UBAP2: variants seen among roughly 807,000 people sequenced by gnomAD.
UBAP2 encodes ubiquitin associated protein 2, also known as ubiquitin-associated protein 2.
UBAP2 carries 75 observed loss-of-function variants against 139.6 expected under a neutral mutation model. The observed-to-expected ratio is 0.54, with a 90% confidence interval of 0.45 to 0.65. The LOEUF is 0.65. UBAP2 is among the 30% of genes least tolerant of loss of function. The pLI is 0.00. For synonymous variants in UBAP2, 526 were observed against 526.2 expected, an observed-to-expected ratio of 1.00 and a Z score of 0.01; for missense variants, 1,368 against 1,369.6, an observed-to-expected ratio of 1.00 and a Z score of 0.02.
intron 2 of UBAP2, among the ~76,000 whole-genome samples, chr9:34,000,000 T>C (rs1160211432): frequency 6.6e-6 from 1 of 151,908 alleles, no homozygotes; most frequent in East Asian, 1.9e-4. Context: ...CAGGCTGGAG[T>C]GCACTGGCAC....
chr9:33,926,853 G>C lies in UBAP2; in HGVS notation c.2463+136C>G, dbSNP rs7043227. 22 of 988,890 alleles carry C rather than the reference G, an allele frequency of 2.2e-5. No individual in the cohort carries two copies. In the African/African-American group the frequency reaches 3.3e-4, roughly 15 times the overall value. 61.3% of individuals were successfully genotyped at this position (988,890 alleles called of 1,614,324 possible). A position where few individuals can be genotyped will look rare whatever the true frequency, so the allele number is the denominator to read the frequency against. On this transcript the variant is annotated intron_variant, in intron 21 of 28. Transcript: ENST00000379238. ...GGAAGAAGACCACCAGGGCTCAGTG[G>C]GGCAGAGACGGGGGTGCTCAGGGAT...
At chr9:34,024,091 G>A (rs772426217) in intron 1 of UBAP2, among the ~76,000 whole-genome samples, 1 of 151,976 alleles carries the variant, frequency 6.6e-6, no homozygotes, top group Non-Finnish European at 1.5e-5. Flanking sequence ...GGGCGCGGTG[G>A]CACACGCCTG....
chr9:33,996,561 G>T (rs182918820), intron 3 of UBAP2: 1 of 452,416 alleles, frequency 2.2e-6, no homozygotes, highest in African/African-American at 2.0e-5. Flanking sequence ...CTTCCTCCAA[G>T]TTGACCAAGG....
chr9:33,990,198 T>A (rs1029886549), intron 4 of UBAP2, among the ~76,000 whole-genome samples: 1 of 152,206 alleles, frequency 6.6e-6, no homozygotes, highest in Non-Finnish European at 1.5e-5. Flanking sequence ...ATTCATAATC[T>A]GCCTTATTTC....
chr9:34,013,013 G>A lies in UBAP2; in HGVS notation c.99+4037C>T, dbSNP rs149157462. Among the ~76,000 whole-genome samples the A allele has an allele frequency of 2.7e-3, 405 of 151,442 alleles. 1 individual carries two copies. The highest frequency in any genetic ancestry group is 0.01 in the East Asian group (53 of 5,122). On this transcript the variant is annotated intron_variant, in intron 2 of 28. Transcript: ENST00000379238. ...TACTAAAACTACTAAAATTAGCCGG[G>A]TGTGGTGATGTACAAGTGTAGTCCC...
chr9:33,982,305 T>C (rs1401101062), intron 6 of UBAP2, among the ~76,000 whole-genome samples: 1 of 152,156 alleles, frequency 6.6e-6, no homozygotes, highest in Non-Finnish European at 1.5e-5. Context: ...TTATGAAAGA[T>C]ATACTCTATA....
At chr9:34,002,763 A>G (rs1822830507) in intron 2 of UBAP2, among the ~76,000 whole-genome samples, 1 of 152,062 alleles carries the variant, frequency 6.6e-6, no homozygotes, top group Non-Finnish European at 1.5e-5. Flanking sequence ...GCTGCCTCCC[A>G]GGCTCAAGCA....
intron 1 of UBAP2, among the ~76,000 whole-genome samples, chr9:34,044,008 T>C (rs1303874245): frequency 6.7e-6 from 1 of 149,120 alleles, no homozygotes; most frequent in Non-Finnish European, 1.5e-5. Context: ...GGCTAATCGC[T>C]TGAACCCAGT....
intron 1 of UBAP2, among the ~76,000 whole-genome samples, chr9:34,044,090 CAAAAA>C (rs74180528): frequency 2.3e-5 from 2 of 85,184 alleles, no homozygotes. Flanking sequence ...AACTCCACCT[CAAAAA>C]AAAAAAAAAA....
intron 15 of UBAP2, among the ~76,000 whole-genome samples, chr9:33,942,332 A>G (rs891213350): frequency 1.3e-5 from 2 of 152,074 alleles, no homozygotes; most frequent in Admixed American, 6.6e-5. Context: ...AAAAAATAAG[A>G]AGATTCTTTA....
intron 1 of UBAP2, among the ~76,000 whole-genome samples, chr9:34,029,371 T>C (rs917001783): frequency 6.8e-6 from 1 of 147,488 alleles, no homozygotes; most frequent in African/African-American, 2.5e-5. Flanking sequence ...CTACTAAAAA[T>C]ATAAAAAATT....
chr9:33,999,270 A>G (rs1822477545), intron 2 of UBAP2, among the ~76,000 whole-genome samples: 1 of 151,928 alleles, frequency 6.6e-6, no homozygotes, highest in East Asian at 1.9e-4. Flanking sequence ...AGGAGTTCGA[A>G]ATTAGCCTGG....
chr9:33,995,593 T>A (rs1822133011), intron 4 of UBAP2: 1 of 136,314 alleles, frequency 7.3e-6, no homozygotes, highest in Non-Finnish European at 1.5e-5. Context: ...ATTTAAAATT[T>A]AAAATTATTA....
intron 1 of UBAP2, among the ~76,000 whole-genome samples, chr9:34,022,467 T>C (rs980033496): frequency 1.4e-5 from 2 of 145,402 alleles, no homozygotes; most frequent in African/African-American, 2.6e-5. Flanking sequence ...AGACACAGTC[T>C]GGCTTTGTTG....
Position 33,933,453 on chromosome 9 carries a change from A to G in UBAP2, c.2108+37T>C, listed in dbSNP as rs746863125. 2.0e-5 allele frequency: 32 copies of G among 1,608,414 alleles called. No homozygotes were observed. In the African/African-American group the frequency reaches 2.0e-4, roughly 10 times the overall value. On this transcript the variant is annotated intron_variant, in intron 18 of 28. Coordinates refer to ENST00000379238, the MANE Select transcript of UBAP2 (RefSeq NM_001370062.2). ...TACAGGAGCTCCAGGACTTGCCCCAAGGTACTTCTCACTTTGGGCCCACAC... is the reference window on the plus strand; with the variant it reads ...TACAGGAGCTCCAGGACTTGCCCCAGGGTACTTCTCACTTTGGGCCCACAC...
chr9:33,958,750 C>T (rs904384663), intron 10 of UBAP2, among the ~76,000 whole-genome samples: 10 of 139,218 alleles, frequency 7.2e-5, no homozygotes, highest in South Asian at 2.2e-4. Flanking sequence ...CATGACGGCA[C>T]GCACCTGTAA....
At chr9:33,962,680 A>ATAAATAAATAAATAAATAAT (rs368021223) in intron 9 of UBAP2, among the ~76,000 whole-genome samples, 4 of 145,554 alleles carry the variant, frequency 2.7e-5, no homozygotes, top group South Asian at 2.2e-4. Context: ...AAATAAATAA[A>ATAAATAAATAAATAAATAAT]TAATTAAAAA....
At chr9:33,972,615 C>T (rs1360823644) in intron 7 of UBAP2, among the ~76,000 whole-genome samples, 1 of 152,070 alleles carries the variant, frequency 6.6e-6, no homozygotes, top group Non-Finnish European at 1.5e-5. Context: ...CCTAAAAATC[C>T]AATGGGAGCT....
At chr9:33,981,491 G>A (rs1158703997) in intron 6 of UBAP2, among the ~76,000 whole-genome samples, 2 of 149,252 alleles carry the variant, frequency 1.3e-5, no homozygotes, top group African/African-American at 4.9e-5. Flanking sequence ...GAGTTTCTGG[G>A]ACTACAGATG....
Sources: allele counts gnomAD v4.1 joint callset (sites outside exome capture counted in the v4.1 genomes callset), GRCh38; gene constraint gnomAD v4.1.1; transcripts MANE v1.5; gene names NCBI Gene and HGNC (gene_info 2026-07-23, HGNC 2026-07-21).